NPHP1: variants seen among roughly 807,000 people sequenced by gnomAD.
NPHP1 encodes nephrocystin-1.
Under a neutral mutation model 90.4 loss-of-function variants are expected in NPHP1, and 70 were observed. That is an observed-to-expected ratio of 0.77 (90% CI 0.64 to 0.95). The LOEUF is 0.95. Ranked by LOEUF, NPHP1 falls within the 40% of genes least tolerant of loss-of-function variation. NPHP1 has a pLI of 0.00. For synonymous variants in NPHP1, 256 were observed against 271.7 expected (o/e 0.94, Z 0.57); for missense variants, 764 against 795.9 (o/e 0.96, Z 0.48).
chr2:110,163,476 G>C, intron 8 of NPHP1: 1 of 313,546 alleles, frequency 3.2e-6, no homozygotes, highest in South Asian at 3.7e-5. Context: ...CAAATCACAT[G>C]CACTGAAGAA....
chr2:110,192,654 A>G (rs948522669), intron 2 of NPHP1, among the ~76,000 whole-genome samples: 5 of 152,064 alleles, frequency 3.3e-5, no homozygotes, highest in African/African-American at 1.2e-4. Context: ...GAAATACAGA[A>G]AACGCCACAA....
At chr2:110,140,231 A>G (rs1161917742) in intron 16 of NPHP1, among the ~76,000 whole-genome samples, 1 of 152,196 alleles carries the variant, frequency 6.6e-6, no homozygotes, top group Non-Finnish European at 1.5e-5. Flanking sequence ...GGAAGAGCAC[A>G]CACCAAGACA....
intron 3 of NPHP1, among the ~76,000 whole-genome samples, chr2:110,179,093 T>A (rs1683706058): frequency 6.6e-6 from 1 of 151,860 alleles, no homozygotes; most frequent in African/African-American, 2.4e-5. Context: ...GCCTTCCACT[T>A]TAAAGACTCC....
rs972065910 is a variant in NPHP1, at chr2:110,162,063, C to A, written c.860-366G>T. Among the ~76,000 whole-genome samples, 4 of 152,070 alleles carry A rather than the reference C, an allele frequency of 2.6e-5. No individual in the cohort carries two copies. The South Asian group carries it at 8.3e-4, about 32-fold the overall frequency. On this transcript the variant is annotated intron_variant, in intron 9 of 19. Transcript: ENST00000445609. ...TTAGTTTTACTTCTTAACACAAAAG[C>A]ATTTTATGCTCTTCCTCCATGCTTT...
intron 11 of NPHP1, among the ~76,000 whole-genome samples, chr2:110,156,829 T>G (rs1365986529): frequency 6.7e-6 from 1 of 149,972 alleles, no homozygotes; most frequent in Non-Finnish European, 1.5e-5. Context: ...CAGGCTGGAG[T>G]GCAGTGGCGC....
intron 11 of NPHP1, among the ~76,000 whole-genome samples, chr2:110,155,053 G>A (rs1461264354): frequency 1.3e-5 from 2 of 152,060 alleles, no homozygotes; most frequent in African/African-American, 4.8e-5. Flanking sequence ...GCCAGGCCGA[G>A]GGTCCCCATG....
At chr2:110,199,980 G>A (rs779070033) in intron 2 of NPHP1, among the ~76,000 whole-genome samples, 4 of 152,264 alleles carry the variant, frequency 2.6e-5, no homozygotes, top group Middle Eastern at 6.8e-3. Flanking sequence ...ATTAGGGGCC[G>A]GGCGCGGTGG....
chr2:110,182,801 C>G (rs1319513179), intron 2 of NPHP1, among the ~76,000 whole-genome samples: 1 of 151,974 alleles, frequency 6.6e-6, no homozygotes, highest in African/African-American at 2.4e-5. Context: ...CAATACTAAC[C>G]TTAAATGTAA....
chr2:110,124,247 TAC>T, intron 19 of NPHP1, 184 bp from the exon 20 acceptor site: 3 of 689,910 alleles, frequency 4.3e-6, no homozygotes, highest in Non-Finnish European at 7.8e-6. Context: ...TGAGCAGAGT[TAC>T]ACAGAGTACA....
intron 6 of NPHP1, 34 bp downstream of exon 6, chr2:110,168,418 G>T: frequency 1.6e-6 from 2 of 1,251,106 alleles, no homozygotes; most frequent in Non-Finnish European, 2.3e-6. Context: ...AAAAAAAAAA[G>T]TCTTAGAAAA....
At chr2:110,202,719 G>T (rs999960774) in intron 1 of NPHP1, among the ~76,000 whole-genome samples, 1 of 152,050 alleles carries the variant, frequency 6.6e-6, no homozygotes, top group African/African-American at 2.4e-5. Flanking sequence ...AAACTACAAT[G>T]AGGTACCATC....
chr2:110,146,932 C>T, intron 13 of NPHP1, 97 bp from the exon 14 acceptor site: 3 of 834,294 alleles, frequency 3.6e-6, no homozygotes, highest in South Asian at 1.4e-5. Context: ...TTAGTATTCA[C>T]CTTTAGAACT....
At position 110,178,551 on chromosome 2, in the gene NPHP1, T is replaced by C. The variant is rs373772319; in HGVS notation, c.205-4A>G. On this transcript the variant is annotated splice_region_variant and splice_polypyrimidine_tract_variant and intron_variant, in intron 3 of 19. Transcript: ENST00000445609. ...CAACAGGTGCAGATTCATCAGCCTATGAGAGAATATAGGTCTATTTCACTA... is the reference window on the plus strand; with the variant it reads ...CAACAGGTGCAGATTCATCAGCCTACGAGAGAATATAGGTCTATTTCACTA... 3 of 1,609,170 alleles carry C rather than the reference T, an allele frequency of 1.9e-6. No individual in the cohort carries two copies. Among genetic ancestry groups the C allele is most frequent in the Non-Finnish European group, 2.5e-6 (3 of 1,178,482 alleles).
rs994543566 is a variant in NPHP1 at position 110,163,699 on chromosome 2, C to T, written c.772-564G>A. Reference sequence around the variant, plus strand: ...TTTTTGAGACGGAGTCTCACTCTGTCGCCCAGGCTGGAGTACAGTGGAGTA... The same window carrying T: ...TTTTTGAGACGGAGTCTCACTCTGTTGCCCAGGCTGGAGTACAGTGGAGTA... On this transcript the variant is annotated intron_variant, in intron 8 of 19. Coordinates refer to ENST00000445609, the MANE Select transcript of NPHP1 (RefSeq NM_001128178.3). 16 of 158,678 alleles carry T rather than the reference C, an allele frequency of 1.0e-4. No homozygotes were observed. In the East Asian group the frequency reaches 1.3e-3, roughly 13 times the overall value. 9.8% of individuals were successfully genotyped at this position (158,678 alleles called of 1,614,324 possible). A position where few individuals can be genotyped will look rare whatever the true frequency, so the allele number is the denominator to read the frequency against.
intron 2 of NPHP1, among the ~76,000 whole-genome samples, chr2:110,190,746 T>C (rs1186096506): frequency 6.6e-6 from 1 of 152,188 alleles, no homozygotes; most frequent in Non-Finnish European, 1.5e-5. Context: ...GCCAGCATGC[T>C]GTCACCTCTC....
At position 110,165,133 on chromosome 2, in the gene NPHP1, C is replaced by CCTT. The variant is rs777677768; in HGVS notation, c.644_646dup (p.Glu215dup). The CCTT allele has an allele frequency of 1.5e-4, 234 of 1,609,088 alleles. 1 individual carries two copies. Among genetic ancestry groups the CCTT allele is most frequent in the Admixed American group, 4.3e-4 (26 of 59,956 alleles). ...ACTGCCCTCTTCACTTGACTCTTGG[C>CCTT]CTTCTTCTTCTTCACTATAAGGCTA... On this transcript the variant is annotated inframe_insertion, in exon 7 of 20. Coordinates refer to ENST00000445609, the MANE Select transcript of NPHP1 (RefSeq NM_001128178.3).
At chr2:110,199,984 G>A (rs75545874) in intron 2 of NPHP1, among the ~76,000 whole-genome samples, 6,497 of 152,144 alleles carry the variant, frequency 0.043, 457 homozygotes, top group African/African-American at 0.14. Context: ...GGGGCCGGGC[G>A]CGGTGGCTCA....
intron 11 of NPHP1, 50 bp from the exon 12 acceptor site, chr2:110,150,306 G>T: frequency 6.5e-7 from 1 of 1,549,502 alleles, no homozygotes; most frequent in Non-Finnish European, 8.9e-7. Flanking sequence ...TCTTTGAAAT[G>T]TCACCATTTC....
At position 110,163,176 on chromosome 2, in the gene NPHP1, G is replaced by A. The variant is rs753934202; in HGVS notation, c.772-41C>T. 8 of 1,368,278 alleles carry A rather than the reference G, an allele frequency of 5.8e-6. No individual in the cohort carries two copies. The South Asian group carries it at 9.3e-5, about 16-fold the overall frequency. 84.8% of individuals were successfully genotyped at this position (1,368,278 alleles called of 1,614,324 possible). Reference sequence around the variant, plus strand: ...TCAAAATGGATTTGTTTTCAGTCATGTTTCTGCATCTCTATAATACTTTAT... The same window carrying A: ...TCAAAATGGATTTGTTTTCAGTCATATTTCTGCATCTCTATAATACTTTAT... On this transcript the variant is annotated intron_variant, in intron 8 of 19. Coordinates refer to ENST00000445609, the MANE Select transcript of NPHP1 (RefSeq NM_001128178.3).
Sources: gnomAD v4.1 joint callset for allele counts (sites outside exome capture counted in the v4.1 genomes callset) on GRCh38, gnomAD v4.1.1 for gene constraint, MANE v1.5 for transcripts, NCBI Gene and HGNC (gene_info 2026-07-23, HGNC 2026-07-21) for gene names.